The following PPM1E variants were observed in gnomAD, a reference collection of about 807,000 sequenced individuals.
PPM1E encodes the protein protein phosphatase 1E.
A neutral mutation model predicts 65.9 loss-of-function variants in PPM1E; 20 were observed. That is an observed-to-expected ratio of 0.30 (90% CI 0.21 to 0.44). PPM1E has a LOEUF of 0.44. Ranked by LOEUF, PPM1E falls within the 20% of genes least tolerant of loss-of-function variation. The pLI is 1.00. For missense variants in PPM1E, 713 were observed against 953.1 expected (o/e 0.75, Z 3.32); for synonymous variants, 352 against 374.9 (o/e 0.94, Z 0.70).
At chr17:58,979,110 AAAGG>A (rs1214031395) in intron 6 of PPM1E, among the ~76,000 whole-genome samples, 1 of 152,228 alleles carries the variant, frequency 6.6e-6, no homozygotes, top group East Asian at 1.9e-4. Context: ...CTAAGCAAGA[AAAGG>A]AAGAGAGAAA....
chr17:58,937,615 G>A (rs1422022585), intron 1 of PPM1E, among the ~76,000 whole-genome samples: 2 of 146,370 alleles, frequency 1.4e-5, no homozygotes, highest in Admixed American at 6.8e-5. Context: ...GGTGGCTCAC[G>A]CCTGTAATCC....
chr17:58,821,960 T>A (rs910195385), intron 1 of PPM1E, among the ~76,000 whole-genome samples: 2 of 152,206 alleles, frequency 1.3e-5, no homozygotes, highest in Non-Finnish European at 2.9e-5. Flanking sequence ...AACTGAGATA[T>A]ATCAAGGTAA....
At chr17:58,822,837 G>A (rs1242047699) in intron 1 of PPM1E, among the ~76,000 whole-genome samples, 1 of 152,156 alleles carries the variant, frequency 6.6e-6, no homozygotes, top group East Asian at 1.9e-4. Flanking sequence ...TTACCGTACT[G>A]CCAGTACTTG....
chr17:58,794,814 T>C (rs905208912), intron 1 of PPM1E, among the ~76,000 whole-genome samples: 1 of 152,160 alleles, frequency 6.6e-6, no homozygotes. Flanking sequence ...AGTCTACCAT[T>C]GATAGGCATT....
rs1160149734 is a variant in PPM1E at position 58,980,514 on chromosome 17, A to C, written c.1751A>C (p.Gln584Pro). The C allele has an allele frequency of 6.2e-7, 1 of 1,614,212 alleles. No individual in the cohort carries two copies. The highest frequency in any genetic ancestry group is 1.7e-5 in the Admixed American group (1 of 60,026). ...GAAGCAAGCAAACCTCACAGTGCCC[A>C]GTTTTTGCTACCAGTTGAGATGTTT... is the stretch of plus-strand genomic sequence containing the variant. ...QIEASKPHSA[Q>P]FLLPVEMFGP... is the part of the protein sequence containing the mutation. The change falls in exon 7 of 7, where the codon CAG becomes CCG. Residue 584 changes from glutamine to proline, a missense_variant. Gln to Pro is a moderately conservative substitution (Grantham distance 76). Coordinates refer to ENST00000308249, the MANE Select transcript of PPM1E (RefSeq NM_014906.5). This position sits in a 1 kb window ranked among gnomAD's most constrained non-coding sequence, Gnocchi z 4.7.
At chr17:58,829,258 T>A (rs1305753432) in intron 1 of PPM1E, among the ~76,000 whole-genome samples, 5 of 152,058 alleles carry the variant, frequency 3.3e-5, no homozygotes, top group Admixed American at 6.6e-5. Context: ...GTCAGGCTGG[T>A]CTCAAACTCC....
In PPM1E at chr17:58,756,119, C is replaced by A. The variant is rs2049758752; in HGVS notation, c.122C>A (p.Pro41His). ...CCGGAACCCGAACCCGAACCCGAAC[C>A]CGAACCCGAGTCCGAGCCCGAGCCC... ...PEPEPEPEPE[P>H]EPESEPEPEP... Residue 41 changes from proline (P) to histidine (H), a missense_variant, in exon 1 of 7, where the codon CCC becomes CAC. Coordinates refer to ENST00000308249, the MANE Select transcript of PPM1E (RefSeq NM_014906.5). The A allele has an allele frequency of 6.2e-7, 1 of 1,608,938 alleles. No individual in the cohort carries two copies. The highest frequency in any genetic ancestry group is 1.7e-4 in the Middle Eastern group (1 of 6,050).
intron 1 of PPM1E, among the ~76,000 whole-genome samples, chr17:58,933,777 C>T (rs2051936977): frequency 7.3e-6 from 1 of 137,326 alleles, no homozygotes; most frequent in South Asian, 2.3e-4. Flanking sequence ...GCCTGGAAGA[C>T]GAGTGAAACC....
chr17:58,868,438 C>T (rs1014072881), intron 1 of PPM1E, among the ~76,000 whole-genome samples: 3 of 152,020 alleles, frequency 2.0e-5, no homozygotes, highest in Non-Finnish European at 2.9e-5. Context: ...TCAGTTACTC[C>T]TAAGGTATTA....
chr17:58,795,935 T>C (rs1046794884), intron 1 of PPM1E, among the ~76,000 whole-genome samples: 8 of 152,220 alleles, frequency 5.3e-5, no homozygotes, highest in African/African-American at 1.7e-4. Context: ...TATTAGACCT[T>C]TGTCAGATGC....
At chr17:58,773,172 G>A (rs2049957594) in intron 1 of PPM1E, among the ~76,000 whole-genome samples, 1 of 151,958 alleles carries the variant, frequency 6.6e-6, no homozygotes. Context: ...TCTTTTAGAG[G>A]ATAAATGTAC....
intron 1 of PPM1E, among the ~76,000 whole-genome samples, chr17:58,818,019 G>C (rs940509191): frequency 2.0e-5 from 3 of 152,104 alleles, no homozygotes; most frequent in African/African-American, 7.2e-5. Context: ...GATTACAGAC[G>C]TGAGCCACCG....
chr17:58,907,032 C>G (rs959941170), intron 1 of PPM1E, among the ~76,000 whole-genome samples: 5 of 152,072 alleles, frequency 3.3e-5, no homozygotes, highest in African/African-American at 1.2e-4. Flanking sequence ...GTCAGGAGAT[C>G]GAGACCATCC....
intron 1 of PPM1E, among the ~76,000 whole-genome samples, chr17:58,892,660 G>A (rs978059483): frequency 7.9e-5 from 12 of 152,156 alleles, no homozygotes; most frequent in Admixed American, 2.6e-4. Context: ...GAGAAGGCAA[G>A]CTACAGACTG....
At chr17:58,898,731 T>C (rs2143459753) in intron 1 of PPM1E, among the ~76,000 whole-genome samples, 2 of 152,280 alleles carry the variant, frequency 1.3e-5, no homozygotes, top group Non-Finnish European at 2.9e-5. Context: ...GCGGCACTAT[T>C]CACAATAGCA....
chr17:58,825,224 TCACACA>T (rs71367635), intron 1 of PPM1E, among the ~76,000 whole-genome samples: 8,807 of 140,090 alleles, frequency 0.063, 462 homozygotes, highest in South Asian at 0.26. Context: ...ACACACACAC[TCACACA>T]CACACACACA....
At chr17:58,917,196 C>T (rs1242391709) in intron 1 of PPM1E, among the ~76,000 whole-genome samples, 6 of 146,852 alleles carry the variant, frequency 4.1e-5, no homozygotes, top group East Asian at 2.0e-4. Context: ...GGGAACAGAG[C>T]GAGACTCTGT....
At chr17:58,916,267 T>C (rs1320809273) in intron 1 of PPM1E, among the ~76,000 whole-genome samples, 1 of 152,204 alleles carries the variant, frequency 6.6e-6, no homozygotes, top group East Asian at 1.9e-4. Flanking sequence ...AGCGTGTACA[T>C]AAAGACAATG....
At chr17:58,919,712 G>A (rs553576421) in intron 1 of PPM1E, among the ~76,000 whole-genome samples, 46 of 150,524 alleles carry the variant, frequency 3.1e-4, no homozygotes, top group African/African-American at 1.1e-3. Flanking sequence ...ACTTGAACCA[G>A]GGAGGGGGAG....
Sources: gnomAD v4.1 joint callset for allele counts (sites outside exome capture counted in the v4.1 genomes callset) on GRCh38, gnomAD v4.1.1 for gene constraint, Gnocchi (gnomAD v3.1) non-coding constraint, MANE v1.5 for transcripts, NCBI Gene and HGNC (gene_info 2026-07-23, HGNC 2026-07-21) for gene names.